ARHGEF40: variants seen among roughly 807,000 people sequenced by gnomAD.
ARHGEF40 encodes the protein Rho guanine nucleotide exchange factor 40.
ARHGEF40 carries 98 observed loss-of-function variants against 165.9 expected under a neutral mutation model. The ratio of observed to expected loss-of-function variants is 0.59; its 90% CI spans 0.50 to 0.70. The LOEUF (loss-of-function observed/expected upper bound fraction) is 0.70. Ranked by LOEUF, ARHGEF40 falls within the 30% of genes least tolerant of loss-of-function variation. The pLI is 0.00. For synonymous variants in ARHGEF40, 792 were observed against 814.3 expected, an observed-to-expected ratio of 0.97 and a Z score of 0.47; for missense variants, 1,815 against 1,968.0, an observed-to-expected ratio of 0.92 and a Z score of 1.47.
chr14:21,080,860 C>T lies in ARHGEF40; in HGVS notation c.2497-13C>T. On this transcript the variant is annotated splice_polypyrimidine_tract_variant and intron_variant, in intron 12 of 23. Transcript: ENST00000298694. ...AGTGAGGACCAGGTCTGAGCGCAGCCTCCCTTCTCCAGGAGCGCCTGGCCC... is the reference window on the plus strand; with the variant it reads ...AGTGAGGACCAGGTCTGAGCGCAGCTTCCCTTCTCCAGGAGCGCCTGGCCC... 1.9e-6 allele frequency: 3 copies of T among 1,612,258 alleles called. No individual in the cohort carries two copies. In the African/African-American group the frequency reaches 4.0e-5, roughly 21 times the overall value.
At chr14:21,080,615 C>T (rs1313798990) in intron 11 of ARHGEF40, 45 bp from the exon 12 acceptor site, 1 of 1,580,086 alleles carries the variant, frequency 6.3e-7, no homozygotes, top group Non-Finnish European at 8.6e-7. Context: ...CCTTCCTTGC[C>T]TTTCCACTCC....
chr14:21,072,805 G>A lies in ARHGEF40; in HGVS notation c.4-240G>A, dbSNP rs141663442. Among the ~76,000 whole-genome samples the A allele has an allele frequency of 2.7e-3, 409 of 152,288 alleles. 4 individuals carry two copies. The highest frequency in any genetic ancestry group is 8.7e-3 in the African/African-American group (360 of 41,548). ...GGGGCATTCACAACAAATTCTCCCT[G>A]GATCTCCAAAGCCAAGGTCTCAGAG... On this transcript the variant is annotated intron_variant, in intron 1 of 23. Coordinates refer to ENST00000298694, the MANE Select transcript of ARHGEF40 (RefSeq NM_018071.5). The surrounding 1 kb of genome is among the most constrained non-coding windows in gnomAD (Gnocchi z 4.1).
upstream of ARHGEF40, among the ~76,000 whole-genome samples, chr14:21,068,706 G>T (rs151244761): frequency 0.015 from 2,223 of 152,332 alleles, 17 homozygotes; most frequent in Non-Finnish European, 0.024. Context: ...CCCTAGCCGG[G>T]TGTTAGAAAG....
At chr14:21,077,907 A>T (rs1020150349) in intron 8 of ARHGEF40, among the ~76,000 whole-genome samples, 40 of 152,316 alleles carry the variant, frequency 2.6e-4, no homozygotes, top group African/African-American at 9.6e-4. Flanking sequence ...CAAGCTGTAC[A>T]ATGTGCCAGG....
chr14:21,076,649 A>G lies in ARHGEF40; in HGVS notation c.1917+6A>G, dbSNP rs910215533. The stretch of plus-strand genomic sequence containing the variant: ...CTGAACTCTGTGGATTTCAGGTTTG[A>G]GCCCTTCATTCCCATCTAGTTTCCC... On this transcript the variant is annotated splice_donor_region_variant and intron_variant, in intron 7 of 23. Coordinates refer to ENST00000298694, the MANE Select transcript of ARHGEF40 (RefSeq NM_018071.5). 14 of 1,613,140 alleles carry G rather than the reference A, an allele frequency of 8.7e-6. No individual in the cohort carries two copies. Among genetic ancestry groups the G allele is most frequent in the Non-Finnish European group, 1.2e-5 (14 of 1,179,538 alleles).
Position 21,087,107 on chromosome 14 carries a change from T to G in ARHGEF40, c.4243+2T>G. 6.2e-7 allele frequency: 1 copy of G among 1,607,266 alleles called. No homozygotes were observed. Among genetic ancestry groups the G allele is most frequent in the Non-Finnish European group, 8.5e-7 (1 of 1,176,726 alleles). On this transcript the variant is annotated splice_donor_variant, in intron 20 of 23. Coordinates refer to ENST00000298694, the MANE Select transcript of ARHGEF40 (RefSeq NM_018071.5). LOFTEE classifies it high-confidence loss of function. ...TGAGTGCCCTGCTCACTGGAAGAGG[T>G]GAGGGCCAGGGTGCTGGGGGGTGGC...
rs759095092 is a variant in ARHGEF40 at position 21,076,591 on chromosome 14, G to A, written c.1865G>A (p.Arg622Gln). 6.4e-5 allele frequency: 103 copies of A among 1,614,080 alleles called. 1 individual carries two copies. In the East Asian group the frequency reaches 1.7e-3, roughly 27 times the overall value. Residue 622 changes from arginine to glutamine, a missense_variant, in exon 7 of 24, where the codon CGG becomes CAG. Arg to Gln is a conservative substitution (Grantham distance 43). Coordinates refer to ENST00000298694, the MANE Select transcript of ARHGEF40 (RefSeq NM_018071.5). ...QDSGDPPLVQ[R>Q]LLILIHDDLP... ...TCAGGAGATCCTCCCCTTGTTCAGC[G>A]GCTGCTGATTCTCATTCATGATGAC...
intron 11 of ARHGEF40, among the ~76,000 whole-genome samples, chr14:21,079,883 C>T (rs1265748847): frequency 6.6e-6 from 1 of 152,152 alleles, no homozygotes; most frequent in African/African-American, 2.4e-5. Context: ...AGCTTGAGTT[C>T]TAGTTCTGCC....
rs1886765252 is a variant in ARHGEF40, at chr14:21,070,937, T to C, written c.3+538T>C. ...TGTGGCTGGGCCGGGTCCCGGGGCA[T>C]GGCCAAAGAGGGAAATTCCCGCAGA... On this transcript the variant is annotated intron_variant, in intron 1 of 23. Coordinates refer to ENST00000298694, the MANE Select transcript of ARHGEF40 (RefSeq NM_018071.5). The surrounding 1 kb of genome is among the most constrained non-coding windows in gnomAD (Gnocchi z 4.7). 2 of 1,383,408 alleles carry C rather than the reference T, an allele frequency of 1.4e-6. No individual in the cohort carries two copies. Among genetic ancestry groups the C allele is most frequent in the South Asian group, 2.5e-5 (2 of 80,834 alleles). 85.7% of individuals were successfully genotyped at this position (1,383,408 alleles called of 1,614,324 possible). A position where few individuals can be genotyped will look rare whatever the true frequency, so the allele number is the denominator to read the frequency against.
At chr14:21,062,948 T>TAAAA in the ARHGEF40 span, among the ~76,000 whole-genome samples, 4 of 128,148 alleles carry the variant, frequency 3.1e-5, no homozygotes, top group African/African-American at 1.2e-4. Flanking sequence ...ACCTTGTCTC[T>TAAAA]AAAAAAAAAA....
At position 21,082,249 on chromosome 14, in the gene ARHGEF40, A is replaced by C. The variant is rs1887985074; in HGVS notation, c.3257A>C (p.Gln1086Pro). ...RMERKRSISA[Q>P]QRLVSELIAC... ...CACTCCTATTGTGCCTGCAGTGCCCAGCAGCGGCTGGTGTCTGAGCTGATT... is the reference window on the plus strand; with the variant it reads ...CACTCCTATTGTGCCTGCAGTGCCCCGCAGCGGCTGGTGTCTGAGCTGATT... Residue 1086 changes from glutamine (Q) to proline (P), a missense_variant, in exon 15 of 24, where the codon CAG becomes CCG. Physicochemically the swap from Gln to Pro is moderately conservative, Grantham distance 76. Transcript: ENST00000298694. 1 of 1,607,182 alleles carries C rather than the reference A, an allele frequency of 6.2e-7. No individual in the cohort carries two copies. Among genetic ancestry groups the C allele is most frequent in the African/African-American group, 1.3e-5 (1 of 74,784 alleles).
At chr14:21,081,456 C>A in intron 13 of ARHGEF40, 53 bp from the exon 14 acceptor site, 1 of 1,583,970 alleles carries the variant, frequency 6.3e-7, no homozygotes, top group Non-Finnish European at 8.6e-7. Context: ...CCTTCGTGAG[C>A]AACACAGGCC....
In ARHGEF40 at chr14:21,074,912, A is replaced by T. The variant is rs750196758; in HGVS notation, c.1182A>T (p.Gly394=). The change falls in exon 3 of 24, where the codon GGA becomes GGT. Residue 394 remains glycine, a synonymous_variant. Transcript: ENST00000298694. The surrounding 1 kb of genome is among the most constrained non-coding windows in gnomAD (Gnocchi z 4.8). ...RAAGRGALSR[G]GDSAPLSPGD... is the part of the protein sequence containing the mutation. ...CAGGTCGAGGGGCTCTTAGCCGAGG[A>T]GGGGACAGTGCCCCACTGAGCCCTG... The T allele has an allele frequency of 6.2e-7, 1 of 1,608,640 alleles. No individual in the cohort carries two copies. The highest frequency in any genetic ancestry group is 8.5e-7 in the Non-Finnish European group (1 of 1,177,950).
In ARHGEF40 at chr14:21,070,675, G is replaced by A. The variant is rs1886700494; in HGVS notation, c.3+276G>A. Among the ~76,000 whole-genome samples, 1 of 149,956 alleles carries A rather than the reference G, an allele frequency of 6.7e-6. No individual in the cohort carries two copies. The highest frequency in any genetic ancestry group is 2.1e-4 in the South Asian group (1 of 4,702). On this transcript the variant is annotated intron_variant, in intron 1 of 23. Transcript: ENST00000298694. This position sits in a 1 kb window ranked among gnomAD's most constrained non-coding sequence, Gnocchi z 4.7. ...TCTCCCCTAATCCACACACCTCCCC[G>A]CTCCCCGCCCTCCTCTGTCCTGACC...
At chr14:21,066,952 A>G (rs944907431), upstream of ARHGEF40, among the ~76,000 whole-genome samples, 1 of 152,238 alleles carries the variant, frequency 6.6e-6, no homozygotes, top group African/African-American at 2.4e-5. Flanking sequence ...GGCAGAGCTA[A>G]CAAGAACACG....
At chr14:21,076,189 T>TAC (rs1157994973) in intron 5 of ARHGEF40, among the ~76,000 whole-genome samples, 171 bp from the exon 6 acceptor site, 2 of 152,326 alleles carry the variant, frequency 1.3e-5, no homozygotes, top group East Asian at 3.9e-4. Context: ...CTTCCTCTTG[T>TAC]ACACACACCC....
At chr14:21,066,919 A>T (rs76450792), upstream of ARHGEF40, among the ~76,000 whole-genome samples, 2,676 of 152,332 alleles carry the variant, frequency 0.018, 92 homozygotes, top group African/African-American at 0.061. Flanking sequence ...TAACTGGGAT[A>T]TTGATCCCCA....
Position 21,078,424 on chromosome 14 carries a change from C to T in ARHGEF40, c.2182C>T (p.Leu728=), listed in dbSNP as rs774672073. 2 of 1,611,326 alleles carry T rather than the reference C, an allele frequency of 1.2e-6. No individual in the cohort carries two copies. The highest frequency in any genetic ancestry group is 4.5e-5 in the East Asian group (2 of 44,868). The change falls in exon 10 of 24, where the codon CTG becomes TTG. Residue 728 remains leucine (L), a synonymous_variant. Transcript: ENST00000298694. Reference sequence around the variant, plus strand: ...GCAGAAGGTGCTGGCAGATCCCCGGCTGACGGCACTGCAGAGGGATGGGGG... The same window carrying T: ...GCAGAAGGTGCTGGCAGATCCCCGGTTGACGGCACTGCAGAGGGATGGGGG... ...PLQKVLADPR[L]TALQRDGGAI...
chr14:21,074,590 G>T lies in ARHGEF40; in HGVS notation c.860G>T (p.Arg287Leu). The T allele has an allele frequency of 6.4e-7, 1 of 1,564,184 alleles. No individual in the cohort carries two copies. Among genetic ancestry groups the T allele is most frequent in the Non-Finnish European group, 8.7e-7 (1 of 1,155,008 alleles). The change falls in exon 3 of 24, where the codon CGG (arginine) becomes CTG (leucine). Residue 287 changes from arginine to leucine, a missense_variant. Physicochemically the swap from Arg to Leu is moderately radical, Grantham distance 102 (BLOSUM62 -2). Transcript: ENST00000298694. This position sits in a 1 kb window ranked among gnomAD's most constrained non-coding sequence, Gnocchi z 4.8. ...GGGAAGGGCCGCCACCGGAGACACC[G>T]GGCGTGGATGCACCAGAAGGGCCTG... ...AGGKGRHRRH[R>L]AWMHQKGLGP... is the part of the protein sequence containing the mutation.
Sources: gnomAD v4.1 joint callset for allele counts (sites outside exome capture counted in the v4.1 genomes callset) on GRCh38, gnomAD v4.1.1 for gene constraint, Gnocchi (gnomAD v3.1) non-coding constraint, MANE v1.5 for transcripts, NCBI Gene and HGNC (gene_info 2026-07-23, HGNC 2026-07-21) for gene names.